ACTR2: variants seen among roughly 807,000 people sequenced by gnomAD.
ACTR2 encodes the protein actin-related protein 2.
A neutral mutation model predicts 50.2 loss-of-function variants in ACTR2; 5 were observed. That is an observed-to-expected ratio of 0.10 (90% confidence interval 0.05 to 0.21). The LOEUF is 0.21. Ranked by LOEUF, ACTR2 falls within the 10% of genes least tolerant of loss-of-function variation. The probability of loss-of-function intolerance (pLI) is 1.00; values close to 1 mark genes in which losing one functional copy is unlikely to be tolerated. For synonymous variants in ACTR2, 140 were observed against 162.9 expected, an observed-to-expected ratio of 0.86 and a Z score of 1.07; for missense variants, 180 against 480.6, an observed-to-expected ratio of 0.37 and a Z score of 5.85.
At chr2:65,234,805 C>G (rs574644894) in intron 1 of ACTR2, among the ~76,000 whole-genome samples, 11 of 152,168 alleles carry the variant, frequency 7.2e-5, no homozygotes, top group Non-Finnish European at 1.5e-4. Flanking sequence ...ATGAACCTTA[C>G]AAACTGGTAG....
chr2:65,261,616 T>C (rs1672269717), intron 7 of ACTR2, among the ~76,000 whole-genome samples: 1 of 152,224 alleles, frequency 6.6e-6, no homozygotes, highest in Non-Finnish European at 1.5e-5. Context: ...TCTTCATGTT[T>C]GCTTTTTCAT....
chr2:65,240,676 A>T (rs1406861280), intron 2 of ACTR2, among the ~76,000 whole-genome samples: 1 of 152,224 alleles, frequency 6.6e-6, no homozygotes, highest in Non-Finnish European at 1.5e-5. Context: ...GTGAGAGGAC[A>T]GTAGTCACCA....
At chr2:65,251,240 A>G (rs1672043929) in intron 4 of ACTR2, 141 bp downstream of exon 4, 1 of 433,392 alleles carries the variant, frequency 2.3e-6, no homozygotes. Context: ...AAATATTTTC[A>G]GTTTTTAAAA....
At chr2:65,230,777 G>A (rs1441018078) in intron 1 of ACTR2, among the ~76,000 whole-genome samples, 2 of 151,988 alleles carry the variant, frequency 1.3e-5, no homozygotes, top group African/African-American at 4.8e-5. Context: ...TTTTAGGCTG[G>A]GCGTTGTGGC....
At chr2:65,230,293 C>T (rs897066915) in intron 1 of ACTR2, among the ~76,000 whole-genome samples, 1 of 151,788 alleles carries the variant, frequency 6.6e-6, no homozygotes, top group Non-Finnish European at 1.5e-5. Flanking sequence ...AAAGTCAAGC[C>T]AGTTATATTT....
chr2:65,230,869 C>G (rs1241001568), intron 1 of ACTR2, among the ~76,000 whole-genome samples: 4 of 151,920 alleles, frequency 2.6e-5, no homozygotes, highest in African/African-American at 7.3e-5. Flanking sequence ...GCATGGCCAT[C>G]ATGGTGAAAC....
chr2:65,238,575 C>T (rs961619145), intron 1 of ACTR2, among the ~76,000 whole-genome samples: 3 of 147,856 alleles, frequency 2.0e-5, no homozygotes, highest in Admixed American at 6.9e-5. Flanking sequence ...AGGAGAATGG[C>T]GTGAACCCGG....
chr2:65,242,257 C>T (rs974276316), intron 2 of ACTR2, among the ~76,000 whole-genome samples: 1 of 152,064 alleles, frequency 6.6e-6, no homozygotes, highest in African/African-American at 2.4e-5. Context: ...TTCCTGATTG[C>T]GTACAATGGA....
At chr2:65,229,750 C>CAAAAAAA (rs57953942) in intron 1 of ACTR2, among the ~76,000 whole-genome samples, 3 of 54,020 alleles carry the variant, frequency 5.6e-5, no homozygotes, top group Admixed American at 2.1e-4. Context: ...GACTCCGTCT[C>CAAAAAAA]AAAAAAAAAA....
intron 1 of ACTR2, among the ~76,000 whole-genome samples, chr2:65,230,474 T>G (rs1342734214): frequency 6.9e-6 from 1 of 144,744 alleles, no homozygotes; most frequent in Admixed American, 7.3e-5. Context: ...AGCGATGGCG[T>G]GATCTCGGCT....
At chr2:65,267,360 G>C (rs931698400) in intron 8 of ACTR2, among the ~76,000 whole-genome samples, 1 of 152,148 alleles carries the variant, frequency 6.6e-6, no homozygotes. Flanking sequence ...GTAAGAGCAA[G>C]AAAGTAAAAG....
intron 1 of ACTR2, among the ~76,000 whole-genome samples, chr2:65,233,822 G>A (rs1671683604): frequency 6.6e-6 from 1 of 152,036 alleles, no homozygotes; most frequent in Non-Finnish European, 1.5e-5. Flanking sequence ...TATTGGCCAG[G>A]CTGGTTTCGA....
chr2:65,228,148 A>ATTTAGCCTGCCACCCC, intron 1 of ACTR2, 191 bp downstream of exon 1: 1 of 463,626 alleles, frequency 2.2e-6, no homozygotes, highest in Non-Finnish European at 3.6e-6. Flanking sequence ...CCTGCCACCC[A>ATTTAGCCTGCCACCCC]TTTAGCCTGC....
chr2:65,251,216 T>G (rs1672043122), intron 4 of ACTR2, 117 bp downstream of exon 4: 1 of 499,996 alleles, frequency 2.0e-6, no homozygotes, highest in Non-Finnish European at 3.5e-6. Context: ...ACATTATTTA[T>G]ATACCACACT....
rs1429989157 is a variant in ACTR2, at chr2:65,268,968, C to G, written c.*234C>G. The G allele has an allele frequency of 1.6e-5, 7 of 432,674 alleles. No individual in the cohort carries two copies. The highest frequency in any genetic ancestry group is 2.5e-5 in the Non-Finnish European group (6 of 241,182). 26.8% of individuals were successfully genotyped at this position (432,674 alleles called of 1,614,324 possible). A position where few individuals can be genotyped will look rare whatever the true frequency, so the allele number is the denominator to read the frequency against. On this transcript the variant is annotated 3_prime_UTR_variant, in exon 9 of 9. Transcript: ENST00000260641. Reference sequence around the variant, plus strand: ...TAGACTAGAGGGCTAAGGATTCTGTCTGCTGCTTTGTTTCTTCTAAGTAGG... The same window carrying G: ...TAGACTAGAGGGCTAAGGATTCTGTGTGCTGCTTTGTTTCTTCTAAGTAGG...
intron 6 of ACTR2, among the ~76,000 whole-genome samples, chr2:65,257,481 G>A (rs973811238): frequency 6.6e-6 from 1 of 152,072 alleles, no homozygotes; most frequent in South Asian, 2.1e-4. Flanking sequence ...GGGATCGCTG[G>A]GTCAAATGGT....
intron 1 of ACTR2, chr2:65,228,384 A>C (rs1317018638): frequency 1.2e-5 from 2 of 162,998 alleles, no homozygotes; most frequent in Admixed American, 6.5e-5. Flanking sequence ...CTTCCTGTAT[A>C]GTTGAAGATA....
At chr2:65,236,782 A>G (rs1362691473) in intron 1 of ACTR2, among the ~76,000 whole-genome samples, 3 of 152,082 alleles carry the variant, frequency 2.0e-5, no homozygotes, top group Non-Finnish European at 4.4e-5. Context: ...GGTTTCCATC[A>G]TGTTGGTCAG....
chr2:65,242,004 A>T (rs1417212913), intron 2 of ACTR2: 1 of 1,602,202 alleles, frequency 6.2e-7, no homozygotes, highest in African/African-American at 1.3e-5. Context: ...TCTGACTCTT[A>T]CTTCTACCTT....
Sources: gnomAD v4.1 joint callset for allele counts (sites outside exome capture counted in the v4.1 genomes callset) on GRCh38, gnomAD v4.1.1 for gene constraint, MANE v1.5 for transcripts, NCBI Gene and HGNC (gene_info 2026-07-23, HGNC 2026-07-21) for gene names.